CALN1: variants seen among roughly 807,000 people sequenced by gnomAD.
The protein encoded by CALN1 is calcium-binding protein 8.
A neutral mutation model predicts 30.6 loss-of-function variants in CALN1; 17 were observed. The ratio of observed to expected loss-of-function variants is 0.56; its 90% CI spans 0.38 to 0.83. The LOEUF (loss-of-function observed/expected upper bound fraction) is 0.83. Among genes scored for constraint, CALN1 ranks in the 40% least tolerant of loss-of-function variants. CALN1 has a pLI of 0.00. For synonymous variants in CALN1, 156 were observed against 131.4 expected (o/e 1.19, Z -1.28); for missense variants, 291 against 354.9 (o/e 0.82, Z 1.45).
intron 3 of CALN1, among the ~76,000 whole-genome samples, chr7:72,277,469 G>C (rs1269127123): frequency 6.6e-6 from 1 of 152,190 alleles, no homozygotes; most frequent in Non-Finnish European, 1.5e-5. Flanking sequence ...ACAGTGAGCA[G>C]CCGCTATCCC....
intron 3 of CALN1, among the ~76,000 whole-genome samples, chr7:72,115,642 C>T (rs1807931171): frequency 6.6e-6 from 1 of 151,696 alleles, no homozygotes; most frequent in African/African-American, 2.4e-5. Flanking sequence ...GTATGTGCCA[C>T]CAGACCTGGC....
Position 71,806,553 on chromosome 7 carries a change from C to T in CALN1, c.658+3783G>A, listed in dbSNP as rs561571408. ...AACTCCTGACCTCAGTTTATCCACC[C>T]GCCTTGCCCTCCCAAAGGGATGGGA... On this transcript the variant is annotated intron_variant, in intron 6 of 6. Transcript: ENST00000395275. Among the ~76,000 whole-genome samples, 7 of 152,308 alleles carry T rather than the reference C, an allele frequency of 4.6e-5. 1 individual carries two copies. The highest frequency in any genetic ancestry group is 3.9e-4 in the East Asian group (2 of 5,174).
intron 5 of CALN1, among the ~76,000 whole-genome samples, chr7:71,977,793 A>C (rs1276369402): frequency 6.6e-6 from 1 of 151,954 alleles, no homozygotes; most frequent in Non-Finnish European, 1.5e-5. Flanking sequence ...TTAACCGTGC[A>C]TGGTGGCGGG....
At chr7:72,225,670 C>G (rs555298917) in intron 3 of CALN1, among the ~76,000 whole-genome samples, 1 of 152,140 alleles carries the variant, frequency 6.6e-6, no homozygotes, top group East Asian at 1.9e-4. Context: ...TAAAATGTCA[C>G]GCCATCTTGT....
intron 3 of CALN1, among the ~76,000 whole-genome samples, chr7:72,217,203 G>A (rs1792890005): frequency 6.6e-6 from 1 of 152,128 alleles, no homozygotes; most frequent in Non-Finnish European, 1.5e-5. Context: ...TCTAGTCTCT[G>A]CTGTAGGACG....
chr7:72,453,522 G>A, the CALN1 span, among the ~76,000 whole-genome samples: 1 of 152,162 alleles, frequency 6.6e-6, no homozygotes, highest in African/African-American at 2.4e-5. Flanking sequence ...TGCTTTAGGT[G>A]CCTCTTCCCT....
At chr7:71,977,716 G>C (rs1305447026) in intron 5 of CALN1, among the ~76,000 whole-genome samples, 4 of 152,040 alleles carry the variant, frequency 2.6e-5, no homozygotes, top group Non-Finnish European at 5.9e-5. Context: ...TGGATCACCT[G>C]AGGTCAGGAG....
intron 1 of CALN1, among the ~76,000 whole-genome samples, chr7:72,421,370 A>G (rs895087988): frequency 6.6e-6 from 1 of 152,106 alleles, no homozygotes; most frequent in Non-Finnish European, 1.5e-5. Flanking sequence ...TGGAAAACCG[A>G]AAGAATAATT....
In CALN1 at chr7:72,197,552, T is replaced by C. The variant is rs540611923; in HGVS notation, c.244+81134A>G. ...TTATGGCCGAAGAATGTGGCCTGGC[T>C]GGACATAGTGGCTCATGCCTGTAAT... On this transcript the variant is annotated intron_variant, in intron 3 of 6. Transcript: ENST00000395275. 6.6e-5 allele frequency among the ~76,000 whole-genome samples: 10 copies of C among 152,230 alleles called. No individual in the cohort carries two copies. In the South Asian group the frequency reaches 1.9e-3, roughly 28 times the overall value.
chr7:71,885,310 C>T (rs1306601377), intron 5 of CALN1, among the ~76,000 whole-genome samples: 4 of 152,158 alleles, frequency 2.6e-5, no homozygotes, highest in African/African-American at 9.7e-5. Context: ...TGCCACCACA[C>T]CTGGCTAATT....
chr7:72,052,197 T>A (rs1158904084), intron 4 of CALN1, among the ~76,000 whole-genome samples: 20 of 152,108 alleles, frequency 1.3e-4, no homozygotes, highest in Admixed American at 1.2e-3. Context: ...ATTTAAAAAA[T>A]CAATCGTTTC....
intron 2 of CALN1, among the ~76,000 whole-genome samples, chr7:72,397,763 C>G (rs1038850379): frequency 7.3e-6 from 1 of 137,532 alleles, no homozygotes; most frequent in African/African-American, 2.9e-5. Context: ...TTGCTCCAAC[C>G]AAAGTGGGTC....
intron 3 of CALN1, among the ~76,000 whole-genome samples, chr7:72,187,069 T>TA (rs1388431534): frequency 6.6e-6 from 1 of 152,064 alleles, no homozygotes; most frequent in African/African-American, 2.4e-5. Context: ...GGAAATTTGG[T>TA]AAAAGAATAT....
chr7:72,482,156 T>A, the CALN1 span, among the ~76,000 whole-genome samples: 1 of 152,194 alleles, frequency 6.6e-6, no homozygotes, highest in Admixed American at 6.5e-5. Flanking sequence ...GAAATATTCT[T>A]GATTCTGAAA....
At chr7:71,802,848 C>A (rs1034864896) in intron 6 of CALN1, among the ~76,000 whole-genome samples, 6 of 151,988 alleles carry the variant, frequency 3.9e-5, no homozygotes, top group African/African-American at 1.4e-4. Flanking sequence ...CATGGTGAAA[C>A]CTTGTCTGTA....
intron 4 of CALN1, among the ~76,000 whole-genome samples, chr7:72,101,083 C>T (rs1475893762): frequency 6.6e-6 from 1 of 151,822 alleles, no homozygotes; most frequent in Non-Finnish European, 1.5e-5. Context: ...CGTGCCTTAG[C>T]CTCCCGAGTA....
intron 2 of CALN1, among the ~76,000 whole-genome samples, chr7:72,393,580 T>C (rs569734933): frequency 3.3e-5 from 5 of 152,294 alleles, no homozygotes; most frequent in East Asian, 1.9e-4. Context: ...TGCATGAACA[T>C]GTACTCTGTT....
intron 4 of CALN1, among the ~76,000 whole-genome samples, chr7:72,089,245 T>C (rs1805689787): frequency 1.3e-5 from 2 of 152,104 alleles, no homozygotes; most frequent in Admixed American, 1.3e-4. Flanking sequence ...TAACTGATAT[T>C]AGCTGTTAGA....
intron 3 of CALN1, among the ~76,000 whole-genome samples, chr7:72,115,484 CTTTTT>C (rs71069026): frequency 2.1e-3 from 168 of 80,596 alleles, no homozygotes; most frequent in African/African-American, 8.7e-3. Flanking sequence ...CATATACATT[CTTTTT>C]TTTTTTTTTT....
Sources: gnomAD v4.1 joint callset for allele counts (sites outside exome capture counted in the v4.1 genomes callset) on GRCh38, gnomAD v4.1.1 for gene constraint, MANE v1.5 for transcripts, NCBI Gene and HGNC (gene_info 2026-07-23, HGNC 2026-07-21) for gene names.